The following BNC2 variants were observed in gnomAD, a reference collection of about 807,000 sequenced individuals.
The protein encoded by BNC2 is basonuclin zinc finger protein 2, also known as zinc finger protein basonuclin-2.
BNC2 carries 20 observed loss-of-function variants against 76.3 expected under a neutral mutation model. The ratio of observed to expected loss-of-function variants is 0.26; its 90% CI spans 0.18 to 0.38. The LOEUF is 0.38. Among genes scored for constraint, BNC2 ranks in the 10% least tolerant of loss-of-function variants. The pLI, the probability that BNC2 is intolerant of heterozygous loss-of-function variation, is 1.00. For missense variants in BNC2, 1,382 were observed against 1,399.8 expected (o/e 0.99, Z 0.20); for synonymous variants, 582 against 514.8 (o/e 1.13, Z -1.77).
At chr9:16,554,917 C>G (rs1818776184) in intron 4 of BNC2, among the ~76,000 whole-genome samples, 1 of 152,230 alleles carries the variant, frequency 6.6e-6, no homozygotes, top group African/African-American at 2.4e-5. Context: ...CCTTGCATGT[C>G]TGCATTAAAT....
intron 3 of BNC2, among the ~76,000 whole-genome samples, chr9:16,683,719 A>G (rs1051384144): frequency 1.3e-5 from 2 of 152,244 alleles, no homozygotes; most frequent in Non-Finnish European, 2.9e-5. Context: ...TATGGTGGAC[A>G]TAATATGTAT....
chr9:16,564,747 A>G (rs1819121421), intron 4 of BNC2, among the ~76,000 whole-genome samples: 1 of 152,234 alleles, frequency 6.6e-6, no homozygotes, highest in African/African-American at 2.4e-5. Context: ...AAGAAAAAGG[A>G]AAACAAAAAG....
At chr9:16,472,459 T>C (rs143426337) in intron 5 of BNC2, among the ~76,000 whole-genome samples, 186 of 152,326 alleles carry the variant, frequency 1.2e-3, no homozygotes, top group African/African-American at 4.4e-3. Flanking sequence ...ACCTAGGTTC[T>C]TATATATACC....
At chr9:16,543,099 C>T (rs1818374650) in intron 5 of BNC2, among the ~76,000 whole-genome samples, 1 of 152,080 alleles carries the variant, frequency 6.6e-6, no homozygotes. Flanking sequence ...GTATGGGCAA[C>T]TGGAAGACTC....
intron 5 of BNC2, among the ~76,000 whole-genome samples, chr9:16,517,916 C>T (rs928719638): frequency 1.3e-5 from 2 of 151,848 alleles, no homozygotes. Context: ...TAAACCAATC[C>T]GAAATGGTAC....
At chr9:16,505,042 A>G (rs1283256333) in intron 5 of BNC2, among the ~76,000 whole-genome samples, 1 of 152,262 alleles carries the variant, frequency 6.6e-6, no homozygotes, top group South Asian at 2.1e-4. Context: ...CTCACAACGT[A>G]AGTTGAGGCA....
intron 3 of BNC2, among the ~76,000 whole-genome samples, chr9:16,679,549 T>C (rs1007465705): frequency 2.0e-5 from 3 of 152,196 alleles, no homozygotes; most frequent in Admixed American, 6.5e-5. Context: ...AATTATTTCA[T>C]CACAATTAAT....
chr9:16,538,581 A>C (rs978160679), intron 5 of BNC2, among the ~76,000 whole-genome samples: 3 of 152,188 alleles, frequency 2.0e-5, no homozygotes, highest in East Asian at 3.8e-4. Context: ...TAACTTGTCG[A>C]AACATTTTAA....
At chr9:16,716,181 G>A (rs1237865560) in intron 3 of BNC2, among the ~76,000 whole-genome samples, 1 of 152,094 alleles carries the variant, frequency 6.6e-6, no homozygotes, top group Non-Finnish European at 1.5e-5. Flanking sequence ...GAGCTATCAT[G>A]TACTTAAGTG....
At chr9:16,420,233 G>T (rs1820682551) in intron 6 of BNC2, among the ~76,000 whole-genome samples, 1 of 152,008 alleles carries the variant, frequency 6.6e-6, no homozygotes, top group Non-Finnish European at 1.5e-5. Flanking sequence ...AAGTTTTAAG[G>T]AAAAACAATA....
chr9:16,420,648 C>T (rs1278805529), intron 6 of BNC2, among the ~76,000 whole-genome samples: 1 of 151,914 alleles, frequency 6.6e-6, no homozygotes, highest in East Asian at 1.9e-4. Context: ...ATTCTACTCA[C>T]TCAGTGCTTT....
chr9:16,469,713 G>T (rs1001495986), intron 5 of BNC2, among the ~76,000 whole-genome samples: 1 of 152,202 alleles, frequency 6.6e-6, no homozygotes, highest in African/African-American at 2.4e-5. Flanking sequence ...TGGAAGTTTG[G>T]AACTTCCTAG....
intron 3 of BNC2, among the ~76,000 whole-genome samples, chr9:16,699,434 A>G (rs946193958): frequency 3.3e-5 from 5 of 152,240 alleles, no homozygotes; most frequent in Admixed American, 2.6e-4. Context: ...CTCAGTGAAG[A>G]GTAAGAAAGA....
chr9:16,638,975 G>C (rs933553651), intron 3 of BNC2, among the ~76,000 whole-genome samples: 2 of 152,040 alleles, frequency 1.3e-5, no homozygotes, highest in African/African-American at 4.8e-5. Flanking sequence ...TGTAATGTAA[G>C]AATAATGATT....
At chr9:16,751,974 A>G (rs1825228871) in intron 1 of BNC2, among the ~76,000 whole-genome samples, 1 of 152,122 alleles carries the variant, frequency 6.6e-6, no homozygotes, top group South Asian at 2.1e-4. Context: ...GGTTGCAGTG[A>G]GCCCAGATCA....
At chr9:16,461,419 C>T (rs538611387) in intron 5 of BNC2, among the ~76,000 whole-genome samples, 1 of 152,270 alleles carries the variant, frequency 6.6e-6, no homozygotes, top group South Asian at 2.1e-4. Flanking sequence ...AGGATTTATG[C>T]TGTGATAAGA....
At chr9:16,650,384 T>G (rs1317528929) in intron 3 of BNC2, among the ~76,000 whole-genome samples, 1 of 152,192 alleles carries the variant, frequency 6.6e-6, no homozygotes, top group African/African-American at 2.4e-5. Flanking sequence ...GTTCATGCCT[T>G]AGTGGTAAAA....
chr9:16,793,673 T>C (rs1257629911), intron 1 of BNC2, among the ~76,000 whole-genome samples: 1 of 40,832 alleles, frequency 2.4e-5, no homozygotes, highest in Non-Finnish European at 6.4e-5. Flanking sequence ...TTTTTTTTTT[T>C]TTTTTTTTTT....
At position 16,679,750 on chromosome 9, in the gene BNC2, G is replaced by A. The variant is rs116768317; in HGVS notation, c.330+48047C>T. On this transcript the variant is annotated intron_variant, in intron 3 of 6. Coordinates refer to ENST00000380672, the MANE Select transcript of BNC2 (RefSeq NM_017637.6). ...CATGGAGAGGAAAAGGCAGGAAGGC[G>A]TGAGAAACCAGCAAATGCATTAGCA... 8.8e-3 allele frequency among the ~76,000 whole-genome samples: 1,334 copies of A among 152,340 alleles called. 11 individuals carry two copies. The highest frequency in any genetic ancestry group is 0.03 in the African/African-American group (1,242 of 41,562).
Sources: gnomAD v4.1 joint callset for allele counts (sites outside exome capture counted in the v4.1 genomes callset) on GRCh38, gnomAD v4.1.1 for gene constraint, MANE v1.5 for transcripts, NCBI Gene and HGNC (gene_info 2026-07-23, HGNC 2026-07-21) for gene names.